Variants in MAP2K7 observed in about 807,000 individuals in gnomAD.
The protein encoded by MAP2K7 is dual specificity mitogen-activated protein kinase kinase 7.
MAP2K7 carries 12 observed loss-of-function variants against 47.7 expected under a neutral mutation model. That is an observed-to-expected ratio of 0.25 (90% CI 0.16 to 0.41). MAP2K7 has a LOEUF of 0.41. MAP2K7 is among the 10% of genes least tolerant of loss of function. MAP2K7 has a pLI of 1.00. For synonymous variants in MAP2K7, 299 were observed against 243.0 expected (o/e 1.23, Z -2.14); for missense variants, 415 against 600.3 (o/e 0.69, Z 3.23).
intron 1 of MAP2K7, among the ~76,000 whole-genome samples, chr19:7,908,255 A>G (rs2145135114): frequency 6.6e-6 from 1 of 151,720 alleles, no homozygotes; most frequent in South Asian, 2.1e-4. Context: ...TGAGGCCTCT[A>G]GGCCAGTCAT....
In MAP2K7 at chr19:7,912,480, G is replaced by GC. The variant is rs1020731496; in HGVS notation, c.*55dup. 1.5e-5 allele frequency: 24 copies of GC among 1,561,320 alleles called. No homozygotes were observed. The African/African-American group carries it at 3.0e-4, about 19-fold the overall frequency. ...CAGGGGGCCAGGGGCATGGCCACAGGCCCCCCTCCCCACTTGGCCACCCAG... is the reference window on the plus strand; with the variant it reads ...CAGGGGGCCAGGGGCATGGCCACAGGCCCCCCCTCCCCACTTGGCCACCCAG... On this transcript the variant is annotated 3_prime_UTR_variant, in exon 11 of 11. Transcript: ENST00000397979.
Position 7,911,057 on chromosome 19 carries a change from G to A in MAP2K7, c.753G>A (p.Leu251=), listed in dbSNP as rs1599627793. The change falls in exon 7 of 11, where the codon CTG becomes CTA. Residue 251 remains leucine, a synonymous_variant. Coordinates refer to ENST00000397979, the MANE Select transcript of MAP2K7 (RefSeq NM_145185.4). ...HRDVKPSNIL[L]DERGQIKLCD... is the part of the protein sequence containing the mutation. ...ACGTCAAGCCCTCCAACATCCTGCTGGACGAGCGGGGCCAGATCAAGCTCT... is the reference window on the plus strand; with the variant it reads ...ACGTCAAGCCCTCCAACATCCTGCTAGACGAGCGGGGCCAGATCAAGCTCT... The A allele has an allele frequency of 1.9e-6, 3 of 1,612,760 alleles. No homozygotes were observed. Among genetic ancestry groups the A allele is most frequent in the Non-Finnish European group, 2.5e-6 (3 of 1,179,916 alleles).
In MAP2K7 at chr19:7,914,011, CAG is replaced by C. The variant is rs1197062046; in HGVS notation, c.*1581_*1582del. The C allele has an allele frequency of 2.0e-5, 3 of 152,012 alleles. No homozygotes were observed. Among genetic ancestry groups the C allele is most frequent in the Non-Finnish European group, 4.4e-5 (3 of 67,960 alleles). 9.4% of individuals were successfully genotyped at this position (152,012 alleles called of 1,614,324 possible). On this transcript the variant is annotated 3_prime_UTR_variant, in exon 11 of 11. Transcript: ENST00000397979. ...TTCTCTTGCCCCTTGGCCCCTTTGT[CAG>C]GGGCCAGGGGTCTGCCGGGTGGGGG...
chr19:7,909,684 A>G, intron 1 of MAP2K7, 71 bp from the exon 2 acceptor site: 1 of 899,920 alleles, frequency 1.1e-6, no homozygotes, highest in Non-Finnish European at 1.7e-6. Flanking sequence ...CCCTCCCTGG[A>G]GTGCCAGATG....
chr19:7,910,063 C>T lies in MAP2K7; in HGVS notation c.267C>T (p.Ser89=). The T allele has an allele frequency of 1.9e-6, 3 of 1,602,068 alleles. No homozygotes were observed. Among genetic ancestry groups the T allele is most frequent in the Non-Finnish European group, 2.6e-6 (3 of 1,175,150 alleles). ...ACCGGCACCTGCTCCATGTCCCCAG[C>T]ATTGAGATTGACCAGAAGCTGCAGG... The part of the protein sequence containing the change: ...STLFTPRSME[S]IEIDQKLQEI... Residue 89 remains serine (S), a splice_region_variant and synonymous_variant, in exon 3 of 11, where the codon AGC becomes AGT. Coordinates refer to ENST00000397979, the MANE Select transcript of MAP2K7 (RefSeq NM_145185.4).
intron 1 of MAP2K7, among the ~76,000 whole-genome samples, chr19:7,908,226 G>C (rs1982588942): frequency 6.6e-6 from 1 of 151,928 alleles, no homozygotes; most frequent in African/African-American, 2.4e-5. Flanking sequence ...GGCCAGGACA[G>C]CGGGAGGGGC....
In MAP2K7 at chr19:7,913,670, A is replaced by T. The variant is rs1319520415; in HGVS notation, c.*1239A>T. ...GGGACCCAGGCCAGGTGCCCCCCGG[A>T]GCCTGCTGGGGTGGCCAGAGCAGGA... On this transcript the variant is annotated 3_prime_UTR_variant, in exon 11 of 11. Transcript: ENST00000397979. The T allele has an allele frequency of 2.6e-5, 4 of 151,740 alleles. No homozygotes were observed. Among genetic ancestry groups the T allele is most frequent in the Non-Finnish European group, 5.9e-5 (4 of 67,918 alleles). The allele number at this position is 151,740 out of a possible 1,614,324, so 9.4% of individuals were successfully genotyped here.
Position 7,913,779 on chromosome 19 carries a change from AAC to A in MAP2K7, c.*1352_*1353del, listed in dbSNP as rs1386336502. 6.6e-6 allele frequency: 1 copy of A among 152,378 alleles called. No individual in the cohort carries two copies. The highest frequency in any genetic ancestry group is 6.5e-5 in the Admixed American group (1 of 15,282). The allele number at this position is 152,378 out of a possible 1,614,324, so 9.4% of individuals were successfully genotyped here. A position where few individuals can be genotyped will look rare whatever the true frequency, so the allele number is the denominator to read the frequency against. On this transcript the variant is annotated 3_prime_UTR_variant, in exon 11 of 11. Transcript: ENST00000397979. ...ACAAAACAAAAAACAAGAAAAAAAA[AAC>A]ACAAAACCCCGTAAAATCACAAAGA...
intron 1 of MAP2K7, among the ~76,000 whole-genome samples, chr19:7,905,620 C>T: frequency 6.6e-6 from 1 of 152,192 alleles, no homozygotes; most frequent in East Asian, 1.9e-4. Context: ...CTCCAGGCGT[C>T]TCTGTCTGTG....
Position 7,911,238 on chromosome 19 carries a change from C to G in MAP2K7, c.856-12C>G, listed in dbSNP as rs757811280. 1.2e-6 allele frequency: 2 copies of G among 1,604,596 alleles called. No homozygotes were observed. The highest frequency in any genetic ancestry group is 1.7e-6 in the Non-Finnish European group (2 of 1,174,262). ...AGCCTTGGAGATACGTCTTCTCCTCCCCCCCCTGCAGCCCGAGCGCATTGA... is the reference window on the plus strand; with the variant it reads ...AGCCTTGGAGATACGTCTTCTCCTCGCCCCCCTGCAGCCCGAGCGCATTGA... On this transcript the variant is annotated splice_polypyrimidine_tract_variant and intron_variant, in intron 7 of 10. Coordinates refer to ENST00000397979, the MANE Select transcript of MAP2K7 (RefSeq NM_145185.4).
chr19:7,910,647 G>C (rs767515756), intron 5 of MAP2K7, 49 bp from the exon 6 acceptor site: 11 of 1,608,456 alleles, frequency 6.8e-6, no homozygotes, highest in South Asian at 1.1e-5. Context: ...AGAGCCTCTG[G>C]GGGGTGGGCC....
Position 7,912,206 on chromosome 19 carries a change from A to T in MAP2K7, c.1125+12A>T. The stretch of plus-strand genomic sequence containing the variant: ...ATAATAAGCTACTTGTGAGTACCTG[A>T]GCCCTCCCAGTCCCCGTCCTGTCCC... On this transcript the variant is annotated intron_variant, in intron 10 of 10. Transcript: ENST00000397979. 1 of 1,613,906 alleles carries T rather than the reference A, an allele frequency of 6.2e-7. No homozygotes were observed. Among genetic ancestry groups the T allele is most frequent in the Non-Finnish European group, 8.5e-7 (1 of 1,179,948 alleles).
At chr19:7,905,944 A>C in intron 1 of MAP2K7, 1 of 1,140,120 alleles carries the variant, frequency 8.8e-7, no homozygotes. Flanking sequence ...CCCAGCCCCC[A>C]TGCTCTGTGT....
intron 9 of MAP2K7, 144 bp from the exon 10 acceptor site, chr19:7,912,005 C>A: frequency 1.4e-6 from 1 of 719,552 alleles, no homozygotes; most frequent in Admixed American, 2.6e-5. Flanking sequence ...CGCTGTCAGC[C>A]GGGGTCCTGA....
chr19:7,909,921 G>A, intron 2 of MAP2K7, 25 bp downstream of exon 2: 3 of 1,503,868 alleles, frequency 2.0e-6, no homozygotes, highest in Non-Finnish European at 2.7e-6. Flanking sequence ...CAGCAGGGTT[G>A]GGTGGGAAGC....
At position 7,910,814 on chromosome 19, in the gene MAP2K7, A is replaced by G. The variant is rs1982790973; in HGVS notation, c.675+11A>G. On this transcript the variant is annotated intron_variant, in intron 6 of 10. Coordinates refer to ENST00000397979, the MANE Select transcript of MAP2K7 (RefSeq NM_145185.4). ...AAGATGACAGTGGCGGTGAGTGACC[A>G]GGCGGGGCTTGCACTGGGCAGGATG... 1.3e-6 allele frequency: 2 copies of G among 1,584,356 alleles called. No homozygotes were observed. Among genetic ancestry groups the G allele is most frequent in the Non-Finnish European group, 1.7e-6 (2 of 1,160,396 alleles).
At chr19:7,909,489 C>T (rs558251912) in intron 1 of MAP2K7, among the ~76,000 whole-genome samples, 4 of 152,322 alleles carry the variant, frequency 2.6e-5, no homozygotes, top group South Asian at 4.1e-4. Flanking sequence ...TCTCCGTCAG[C>T]GTAGACTTGG....
rs1236947203 is a variant in MAP2K7 at position 7,903,903 on chromosome 19, C to G, written c.-42C>G. On this transcript the variant is annotated 5_prime_UTR_variant, in exon 1 of 11. Transcript: ENST00000397979. ...GTGCGGTGTTTGTCTGCCGGACTGA[C>G]GGGCGGCCGGGCGGTGCGCGGCGGC... The G allele has an allele frequency of 2.8e-6, 4 of 1,436,780 alleles. No individual in the cohort carries two copies. Among genetic ancestry groups the G allele is most frequent in the African/African-American group, 1.5e-5 (1 of 68,294 alleles). 89.0% of individuals were successfully genotyped at this position (1,436,780 alleles called of 1,614,324 possible). A position where few individuals can be genotyped will look rare whatever the true frequency, so the allele number is the denominator to read the frequency against.
In MAP2K7 at chr19:7,910,657, C is replaced by T. The variant is rs142716727; in HGVS notation, c.568-39C>T. 7.8e-5 allele frequency: 125 copies of T among 1,607,032 alleles called. No individual in the cohort carries two copies. The East Asian group carries it at 1.3e-3, about 17-fold the overall frequency. ...GGAGCAGAGCCTCTGGGGGGTGGGC[C>T]GGAAGACACAGCTCCCCCGGGTGCC... On this transcript the variant is annotated intron_variant, in intron 5 of 10. Transcript: ENST00000397979.
Sources: allele counts gnomAD v4.1 joint callset (sites outside exome capture counted in the v4.1 genomes callset), GRCh38; gene constraint gnomAD v4.1.1; transcripts MANE v1.5; gene names NCBI Gene and HGNC (gene_info 2026-07-23, HGNC 2026-07-21).